The following UNC13C variants were observed in gnomAD, a reference collection of about 807,000 sequenced individuals.
UNC13C encodes protein unc-13 homolog C.
UNC13C carries 174 observed loss-of-function variants against 245.4 expected under a neutral mutation model. The observed-to-expected ratio is 0.71, with a 90% CI of 0.63 to 0.80. The LOEUF (loss-of-function observed/expected upper bound fraction) is 0.80. Among genes scored for constraint, UNC13C ranks in the 30% least tolerant of loss-of-function variants. The pLI is 0.00. For synonymous variants in UNC13C, 992 were observed against 895.1 expected (o/e 1.11, Z -1.93); for missense variants, 2,829 against 2,602.9 (o/e 1.09, Z -1.89).
At chr15:54,129,251 G>C (rs968762432) in intron 2 of UNC13C, among the ~76,000 whole-genome samples, 2 of 152,046 alleles carry the variant, frequency 1.3e-5, no homozygotes, top group Non-Finnish European at 2.9e-5. Context: ...GGCCAGATGC[G>C]TACATATGTA....
chr15:54,305,031 A>T (rs933607865), intron 13 of UNC13C, among the ~76,000 whole-genome samples: 2 of 152,112 alleles, frequency 1.3e-5, no homozygotes, highest in African/African-American at 2.4e-5. Context: ...ATAGAGGTGC[A>T]CTTCAATTCT....
intron 30 of UNC13C, among the ~76,000 whole-genome samples, chr15:54,613,265 T>C (rs1024492136): frequency 6.6e-6 from 1 of 151,836 alleles, no homozygotes; most frequent in Non-Finnish European, 1.5e-5. Flanking sequence ...CTCCAAAAGA[T>C]TTTGAAATTC....
chr15:54,547,475 C>T (rs1050970660), intron 27 of UNC13C, among the ~76,000 whole-genome samples: 6 of 152,078 alleles, frequency 3.9e-5, no homozygotes, highest in African/African-American at 1.4e-4. Context: ...CTAACAAGCA[C>T]CTGTTACGGG....
chr15:54,059,609 A>G (rs1452245187), intron 2 of UNC13C, among the ~76,000 whole-genome samples: 1 of 152,186 alleles, frequency 6.6e-6, no homozygotes. Context: ...AATTGGAAAA[A>G]ACTACTTTAA....
intron 1 of UNC13C, among the ~76,000 whole-genome samples, chr15:53,986,951 C>G (rs1376201925): frequency 6.6e-6 from 1 of 151,950 alleles, no homozygotes; most frequent in Non-Finnish European, 1.5e-5. Context: ...GAACAATTAA[C>G]TAATTTATCA....
the UNC13C span, among the ~76,000 whole-genome samples, chr15:53,865,967 A>T: frequency 6.6e-6 from 1 of 152,184 alleles, no homozygotes; most frequent in Non-Finnish European, 1.5e-5. Flanking sequence ...AGAATAACAA[A>T]TAAATAACTA....
intron 19 of UNC13C, among the ~76,000 whole-genome samples, chr15:54,490,714 C>A (rs1893661090): frequency 6.6e-6 from 1 of 150,864 alleles, no homozygotes; most frequent in Non-Finnish European, 1.5e-5. Flanking sequence ...GACTTACCAC[C>A]AAAATATTTA....
At chr15:53,990,641 G>A (rs983134243) in intron 1 of UNC13C, among the ~76,000 whole-genome samples, 11 of 151,962 alleles carry the variant, frequency 7.2e-5, no homozygotes, top group Non-Finnish European at 1.3e-4. Flanking sequence ...TAGTTTAAGT[G>A]GATTCAAGTT....
intron 2 of UNC13C, among the ~76,000 whole-genome samples, chr15:54,084,535 C>G (rs908421147): frequency 1.3e-5 from 2 of 152,138 alleles, no homozygotes; most frequent in African/African-American, 4.8e-5. Context: ...GAATGTGTCC[C>G]CTTTATGGCC....
chr15:53,993,615 G>C (rs1202891045), intron 1 of UNC13C, among the ~76,000 whole-genome samples: 1 of 152,122 alleles, frequency 6.6e-6, no homozygotes, highest in Non-Finnish European at 1.5e-5. Context: ...TATTCAGAAA[G>C]TGTATGCACT....
At chr15:54,608,496 C>T (rs1038955954) in intron 30 of UNC13C, among the ~76,000 whole-genome samples, 3 of 152,198 alleles carry the variant, frequency 2.0e-5, no homozygotes, top group Admixed American at 2.0e-4. Context: ...TTATTCACTT[C>T]TCTGAAGGTA....
At chr15:54,441,858 CT>C (rs1567274628) in intron 19 of UNC13C, among the ~76,000 whole-genome samples, 1 of 151,952 alleles carries the variant, frequency 6.6e-6, no homozygotes, top group Non-Finnish European at 1.5e-5. Flanking sequence ...TTTTCATTTG[CT>C]TTCATCAGTG....
chr15:53,851,432 A>G, the UNC13C span, among the ~76,000 whole-genome samples: 3 of 152,112 alleles, frequency 2.0e-5, no homozygotes, highest in Non-Finnish European at 2.9e-5. Context: ...GCAGTTTTTA[A>G]TGAATACTCT....
the UNC13C span, among the ~76,000 whole-genome samples, chr15:53,948,894 A>G: frequency 6.6e-6 from 1 of 152,150 alleles, no homozygotes; most frequent in Non-Finnish European, 1.5e-5. Context: ...AGGGGAATCC[A>G]GAGCCTTGCA....
chr15:53,857,500 C>T, the UNC13C span, among the ~76,000 whole-genome samples: 1 of 152,016 alleles, frequency 6.6e-6, no homozygotes, highest in African/African-American at 2.4e-5. Flanking sequence ...GGGAAAACTC[C>T]TGAGAATTTT....
At position 54,227,045 on chromosome 15, in the gene UNC13C, C is replaced by T. The variant is rs191646235; in HGVS notation, c.3072-7985C>T. On this transcript the variant is annotated intron_variant, in intron 4 of 32. Coordinates refer to ENST00000260323, the MANE Select transcript of UNC13C (RefSeq NM_001080534.3). ...TCTCACCATTCAGTGGGTCCTGAGT[C>T]CTTATACTTTGTCCAGGAAGAATGA... 3.3e-5 allele frequency among the ~76,000 whole-genome samples: 5 copies of T among 152,192 alleles called. No homozygotes were observed. In the East Asian group the frequency reaches 7.8e-4, roughly 24 times the overall value.
chr15:54,619,527 A>G (rs1356599188), intron 30 of UNC13C, among the ~76,000 whole-genome samples: 2 of 152,184 alleles, frequency 1.3e-5, no homozygotes, highest in Non-Finnish European at 2.9e-5. Context: ...CACAGTGACC[A>G]TTCACCTGCT....
At chr15:54,261,390 C>T (rs1273572104) in intron 8 of UNC13C, among the ~76,000 whole-genome samples, 1 of 152,100 alleles carries the variant, frequency 6.6e-6, no homozygotes, top group East Asian at 1.9e-4. Context: ...TTTGATAAAG[C>T]ATAGGGCAAT....
rs1381525361 is a variant in UNC13C, at chr15:54,015,836, G to C, written c.2933G>C (p.Arg978Thr). Residue 978 changes from arginine to threonine, a missense_variant, in exon 2 of 33, where the codon AGG becomes ACG. Arg to Thr is a moderately conservative substitution (Grantham distance 71). Coordinates refer to ENST00000260323, the MANE Select transcript of UNC13C (RefSeq NM_001080534.3). ...CCTTCTTTCAAAGAAGCAGCTTTAAGGGCCTATAAAAAGCAAATGGCAGAG... is the reference window on the plus strand; with the variant it reads ...CCTTCTTTCAAAGAAGCAGCTTTAACGGCCTATAAAAAGCAAATGGCAGAG... ...IRPSFKEAAL[R>T]AYKKQMAELE... The C allele has an allele frequency of 8.1e-6, 13 of 1,606,518 alleles. No individual in the cohort carries two copies. The highest frequency in any genetic ancestry group is 1.1e-5 in the Non-Finnish European group (13 of 1,177,116).
Sources: allele counts gnomAD v4.1 joint callset (sites outside exome capture counted in the v4.1 genomes callset), GRCh38; gene constraint gnomAD v4.1.1; transcripts MANE v1.5; gene names NCBI Gene and HGNC (gene_info 2026-07-23, HGNC 2026-07-21).